Variants in RBMS1 observed in about 807,000 individuals in gnomAD.
The protein encoded by RBMS1 is RNA binding motif single stranded interacting protein 1, also known as RNA-binding motif, single-stranded-interacting protein 1.
In RBMS1, 17 loss-of-function variants were observed where a neutral mutation model predicts 62.3. That is an observed-to-expected ratio of 0.27 (90% confidence interval 0.19 to 0.41). The LOEUF is 0.41. Ranked by LOEUF, RBMS1 falls within the 10% of genes least tolerant of loss-of-function variation. The pLI is 1.00. For synonymous variants in RBMS1, 172 were observed against 170.0 expected (o/e 1.01, Z -0.09); for missense variants, 334 against 504.5 (o/e 0.66, Z 3.24).
intron 1 of RBMS1, among the ~76,000 whole-genome samples, chr2:160,466,640 A>C (rs998723214): frequency 6.6e-6 from 1 of 152,246 alleles, no homozygotes; most frequent in Non-Finnish European, 1.5e-5. Context: ...ACCCACACCT[A>C]TGATGCCATC....
Position 160,281,311 on chromosome 2 carries a change from T to C in RBMS1, c.951+3A>G, listed in dbSNP as rs1204802304. 6.3e-7 allele frequency: 1 copy of C among 1,599,530 alleles called. No individual in the cohort carries two copies. Among genetic ancestry groups the C allele is most frequent in the East Asian group, 2.2e-5 (1 of 44,574 alleles). ...CACAAAGTCATTAAGATAAAAAACT[T>C]ACAGGGTGCTGTAGAATATATGGTT... On this transcript the variant is annotated splice_donor_region_variant and intron_variant, in intron 10 of 13. Coordinates refer to ENST00000348849, the MANE Select transcript of RBMS1 (RefSeq NM_016836.4).
chr2:160,400,584 T>G (rs898662931), intron 1 of RBMS1, among the ~76,000 whole-genome samples: 2 of 152,120 alleles, frequency 1.3e-5, no homozygotes, highest in African/African-American at 4.8e-5. Context: ...GCCTCTATAT[T>G]TAGAATATTT....
At position 160,309,194 on chromosome 2, in the gene RBMS1, A is replaced by G. The variant is rs539883877; in HGVS notation, c.402+3962T>C. Among the ~76,000 whole-genome samples, 3 of 152,280 alleles carry G rather than the reference A, an allele frequency of 2.0e-5. No homozygotes were observed. In the South Asian group the frequency reaches 6.2e-4, roughly 32 times the overall value. ...TGTCTAAGAGACTGGGGAGACTGAG[A>G]GTGAGCATTTATGGGGAGAGAAACG... On this transcript the variant is annotated intron_variant, in intron 4 of 13. Transcript: ENST00000348849.
chr2:160,457,157 G>A (rs1684273905), intron 1 of RBMS1, among the ~76,000 whole-genome samples: 1 of 151,310 alleles, frequency 6.6e-6, no homozygotes, highest in Non-Finnish European at 1.5e-5. Context: ...TTGAGATGGA[G>A]TCTTGCTCTG....
chr2:160,319,578 A>G (rs1178727652), intron 2 of RBMS1, among the ~76,000 whole-genome samples: 1 of 152,250 alleles, frequency 6.6e-6, no homozygotes, highest in African/African-American at 2.4e-5. Flanking sequence ...TACTCGATGC[A>G]TCTGAGTCTC....
chr2:160,411,931 T>C (rs748469523), intron 1 of RBMS1, among the ~76,000 whole-genome samples: 1 of 152,248 alleles, frequency 6.6e-6, no homozygotes, highest in Non-Finnish European at 1.5e-5. Flanking sequence ...TTGTGTATAC[T>C]GCAGATTTAA....
chr2:160,491,664 T>C (rs888890018), intron 1 of RBMS1, among the ~76,000 whole-genome samples: 3 of 152,250 alleles, frequency 2.0e-5, no homozygotes, highest in African/African-American at 7.2e-5. Flanking sequence ...ATTATTCATA[T>C]TGTTAAGTGT....
At chr2:160,402,324 T>C (rs549667236) in intron 1 of RBMS1, among the ~76,000 whole-genome samples, 1 of 152,196 alleles carries the variant, frequency 6.6e-6, no homozygotes, top group Non-Finnish European at 1.5e-5. Flanking sequence ...ACGTGCGTTA[T>C]CAGGGCCTAA....
At position 160,439,755 on chromosome 2, in the gene RBMS1, C is replaced by G. The variant is rs1416808325; in HGVS notation, c.75+53534G>C. ...CCGAGATCATGCCACTGCACTCCAG[C>G]CTGGGCACCACTGAGCACTGAGTGA... On this transcript the variant is annotated intron_variant, in intron 1 of 13. Coordinates refer to ENST00000348849, the MANE Select transcript of RBMS1 (RefSeq NM_016836.4). 2.0e-5 allele frequency among the ~76,000 whole-genome samples: 3 copies of G among 152,226 alleles called. No individual in the cohort carries two copies. The East Asian group carries it at 5.8e-4, about 29-fold the overall frequency.
In RBMS1 at chr2:160,299,189, G is replaced by A. The variant is rs892127761; in HGVS notation, c.640+1462C>T. On this transcript the variant is annotated intron_variant, in intron 6 of 13. Transcript: ENST00000348849. ...GATTGGAGAGAGTGATGCATAAATG[G>A]GAAGTAAGGAAGTGAAGACTACACT... Among the ~76,000 whole-genome samples the A allele has an allele frequency of 7.9e-5, 12 of 152,202 alleles. 1 individual carries two copies. Among genetic ancestry groups the A allele is most frequent in the Admixed American group, 5.9e-4 (9 of 15,280 alleles).
intron 1 of RBMS1, among the ~76,000 whole-genome samples, chr2:160,488,394 A>G (rs566055174): frequency 7.4e-4 from 112 of 152,254 alleles, no homozygotes; most frequent in Middle Eastern, 3.4e-3. Flanking sequence ...TGGCCAACGT[A>G]GTGAAACCCC....
intron 1 of RBMS1, among the ~76,000 whole-genome samples, chr2:160,434,905 C>T (rs545914576): frequency 2.0e-5 from 3 of 152,156 alleles, no homozygotes; most frequent in Non-Finnish European, 2.9e-5. Context: ...GGAGCTTTGA[C>T]TTCCTGGTCA....
chr2:160,335,110 CAGAG>C (rs760110285), intron 2 of RBMS1, among the ~76,000 whole-genome samples: 2 of 151,962 alleles, frequency 1.3e-5, no homozygotes, highest in Non-Finnish European at 2.9e-5. Context: ...ACAAGCTCAA[CAGAG>C]AGAGAGAAAT....
At chr2:160,289,812 T>A (rs538389554) in intron 6 of RBMS1, among the ~76,000 whole-genome samples, 1 of 152,036 alleles carries the variant, frequency 6.6e-6, no homozygotes, top group Admixed American at 6.5e-5. Flanking sequence ...AAGGACATTA[T>A]TAGAAACAGC....
chr2:160,346,382 G>A (rs1183078870), intron 2 of RBMS1, among the ~76,000 whole-genome samples: 6 of 152,026 alleles, frequency 3.9e-5, no homozygotes, highest in African/African-American at 1.5e-4. Flanking sequence ...CAGAAGAGTG[G>A]CCTGCTTTCC....
At position 160,324,893 on chromosome 2, in the gene RBMS1, TATATATATATATATACACACACAC is replaced by T. The variant is rs1559383381; in HGVS notation, c.252-6690_252-6667del. 1.0e-3 allele frequency among the ~76,000 whole-genome samples: 109 copies of T among 104,596 alleles called. 1 individual carries two copies. In the East Asian group the frequency reaches 0.023, roughly 23 times the overall value. The allele number at this position is 104,596 out of a possible 152,430, so 68.6% of individuals were successfully genotyped here. A position where few individuals can be genotyped will look rare whatever the true frequency, so the allele number is the denominator to read the frequency against. ...GTGTGTGTGTGTGTGTATATATATA[TATATATATATATATACACACACAC>T]ACACACACACACACACACACATATA... On this transcript the variant is annotated intron_variant, in intron 2 of 13. Transcript: ENST00000348849.
chr2:160,367,687 C>A (rs906453647), intron 1 of RBMS1, among the ~76,000 whole-genome samples: 2 of 152,100 alleles, frequency 1.3e-5, no homozygotes, highest in South Asian at 4.1e-4. Flanking sequence ...AGACTCAAAA[C>A]GTGCATGAAG....
At chr2:160,292,311 A>C (rs77066272) in intron 6 of RBMS1, among the ~76,000 whole-genome samples, 15,247 of 152,296 alleles carry the variant, frequency 0.1, 1,035 homozygotes, top group East Asian at 0.26. Flanking sequence ...ACTTCAAAAG[A>C]TTGTTATAGT....
chr2:160,449,690 G>C (rs191673154), intron 1 of RBMS1, among the ~76,000 whole-genome samples: 6 of 152,206 alleles, frequency 3.9e-5, no homozygotes, highest in Non-Finnish European at 7.4e-5. Context: ...AAACACTGCG[G>C]AAGGCCCTAG....
Sources: allele counts gnomAD v4.1 joint callset (sites outside exome capture counted in the v4.1 genomes callset), GRCh38; gene constraint gnomAD v4.1.1; transcripts MANE v1.5; gene names NCBI Gene and HGNC (gene_info 2026-07-23, HGNC 2026-07-21).